Variants in BRWD3 observed in about 807,000 individuals in gnomAD.
BRWD3 encodes the protein bromodomain and WD repeat-containing protein 3.
A neutral mutation model predicts 149.7 loss-of-function variants in BRWD3; 10 were observed. The observed-to-expected ratio is 0.07, with a 90% CI of 0.04 to 0.11. The LOEUF (loss-of-function observed/expected upper bound fraction) is 0.11. Ranked by LOEUF, BRWD3 falls within the 10% of genes least tolerant of loss-of-function variation. The pLI is 1.00. For synonymous variants in BRWD3, 504 were observed against 456.7 expected (o/e 1.10, Z -1.32); for missense variants, 940 against 1,373.2 (o/e 0.68, Z 4.99).
chrX:80,736,961 G>A (rs1271613161), intron 8 of BRWD3, among the ~76,000 whole-genome samples: 1 of 111,913 alleles, frequency 8.9e-6, no homozygotes, highest in African/African-American at 3.2e-5. Flanking sequence ...GATGACTAAG[G>A]ATTAAGATAT....
intron 4 of BRWD3, among the ~76,000 whole-genome samples, chrX:80,799,269 A>G (rs1279186489): frequency 1.8e-5 from 2 of 111,804 alleles, no homozygotes; most frequent in Non-Finnish European, 3.8e-5. Context: ...TGGGCACTGA[A>G]TAAAATGTAA....
intron 24 of BRWD3, among the ~76,000 whole-genome samples, chrX:80,702,180 T>C (rs1271827485): frequency 8.9e-6 from 1 of 112,584 alleles, no homozygotes; most frequent in Admixed American, 9.4e-5. Context: ...TGTTTGCCTT[T>C]ATAATTTCTT....
chrX:80,732,501 G>A (rs761095443), intron 12 of BRWD3, among the ~76,000 whole-genome samples: 5 of 110,837 alleles, frequency 4.5e-5, no homozygotes, highest in African/African-American at 6.6e-5. Context: ...GGCATGAACC[G>A]TAAAAGGAAG....
intron 29 of BRWD3, 42 bp downstream of exon 29, chrX:80,692,047 C>G (rs766169298): frequency 6.7e-6 from 8 of 1,188,137 alleles, no homozygotes; most frequent in Non-Finnish European, 9.1e-6. Context: ...TACCATTTTA[C>G]TTTTAAAAGA....
At chrX:80,688,960 T>C (rs1365733946) in intron 33 of BRWD3, among the ~76,000 whole-genome samples, 1 of 98,541 alleles carries the variant, frequency 1.0e-5, no homozygotes, top group African/African-American at 3.7e-5. Context: ...TGCAATAATA[T>C]ATTTCATAGT....
At chrX:80,768,201 G>C (rs1203620846) in intron 6 of BRWD3, among the ~76,000 whole-genome samples, 8 of 111,250 alleles carry the variant, frequency 7.2e-5, no homozygotes, top group Non-Finnish European at 1.3e-4. Flanking sequence ...CAAGGCAGGA[G>C]AGCATTCAAA....
Position 80,689,655 on chromosome X carries a change from G to A in BRWD3, c.3807+113C>T, listed in dbSNP as rs767817651. 137 of 650,355 alleles carry A rather than the reference G, an allele frequency of 2.1e-4. 1 individual carries two copies. In the South Asian group the frequency reaches 3.3e-3, roughly 16 times the overall value. 53.6% of individuals were successfully genotyped at this position (650,355 alleles called of 1,213,427 possible). A position where few individuals can be genotyped will look rare whatever the true frequency, so the allele number is the denominator to read the frequency against. On this transcript the variant is annotated intron_variant, in intron 33 of 40. Transcript: ENST00000373275. ...TTTAAAAGACGCTGGTATTCAGCCA[G>A]ATTTCAAAAATCTGTTTTGCTGTTC...
chrX:80,793,472 T>C (rs1569290311), intron 5 of BRWD3, 150 bp downstream of exon 5: 1 of 580,834 alleles, frequency 1.7e-6, no homozygotes, highest in Non-Finnish European at 2.7e-6. Context: ...TCTCTAAAAA[T>C]TTACTTGTAC....
chrX:80,801,197 G>A (rs1295289532), intron 4 of BRWD3, among the ~76,000 whole-genome samples: 3 of 105,287 alleles, frequency 2.8e-5, no homozygotes, highest in East Asian at 3.0e-4. Flanking sequence ...CGGATACTAA[G>A]GGGCATGAGA....
intron 6 of BRWD3, among the ~76,000 whole-genome samples, chrX:80,791,310 G>A (rs777361003): frequency 4.5e-5 from 5 of 111,309 alleles, no homozygotes; most frequent in East Asian, 2.8e-4. Flanking sequence ...TTGTGAGGGC[G>A]AACTTTAATA....
intron 20 of BRWD3, 131 bp from the exon 21 acceptor site, chrX:80,709,708 C>T: frequency 1.9e-6 from 1 of 529,410 alleles, no homozygotes; most frequent in Non-Finnish European, 3.0e-6. Flanking sequence ...AAAATAAAGT[C>T]AACATAGAAC....
chrX:80,721,519 C>G (rs2073149581), intron 17 of BRWD3, among the ~76,000 whole-genome samples: 1 of 111,436 alleles, frequency 9.0e-6, no homozygotes, highest in Non-Finnish European at 1.9e-5. Flanking sequence ...ATTCTACTTG[C>G]AAATCAGTAA....
chrX:80,676,345 C>A lies in BRWD3; in HGVS notation c.*264G>T, dbSNP rs5913313. The A allele has an allele frequency of 2.9e-6, 1 of 345,325 alleles. No individual in the cohort carries two copies. Among genetic ancestry groups the A allele is most frequent in the Non-Finnish European group, 5.1e-6 (1 of 195,552 alleles). The allele number at this position is 345,325 out of a possible 1,213,427, so 28.5% of individuals were successfully genotyped here. Reference sequence around the variant, plus strand: ...TGTGTTGTGTTTCGTGTGTGTGTGTCTGTGTGTGTGTATGTGTGTGTATGT... The same window carrying A: ...TGTGTTGTGTTTCGTGTGTGTGTGTATGTGTGTGTGTATGTGTGTGTATGT... On this transcript the variant is annotated 3_prime_UTR_variant, in exon 41 of 41. Transcript: ENST00000373275.
chrX:80,712,517 C>T (rs1389107504), intron 20 of BRWD3, among the ~76,000 whole-genome samples: 3 of 110,125 alleles, frequency 2.7e-5, no homozygotes, highest in Admixed American at 1.9e-4. Context: ...ACCTCCCAGC[C>T]GCCTGCCTTG....
At chrX:80,746,927 T>G (rs1438109623) in intron 6 of BRWD3, 1 of 550,964 alleles carries the variant, frequency 1.8e-6, no homozygotes. Context: ...ATCAGTGACA[T>G]GTTGAATATA....
rs752679874 is a variant in BRWD3, at chrX:80,738,624, A to AG, written c.814-2537dup. Among the ~76,000 whole-genome samples, 4 of 86,569 alleles carry AG rather than the reference A, an allele frequency of 4.6e-5. No homozygotes were observed. The South Asian group carries it at 1.7e-3, about 36-fold the overall frequency. 75.2% of individuals were successfully genotyped at this position (86,569 alleles called of 115,157 possible). On this transcript the variant is annotated intron_variant, in intron 8 of 40. Transcript: ENST00000373275. The stretch of plus-strand genomic sequence containing the variant: ...TACAGAGTTGCTGTGCACACAGTGG[A>AG]GGGGGTGGGGGGGGCAGTGGTTTAC...
At chrX:80,768,293 T>A (rs1166056441) in intron 6 of BRWD3, among the ~76,000 whole-genome samples, 1 of 109,655 alleles carries the variant, frequency 9.1e-6, no homozygotes, top group African/African-American at 3.3e-5. Flanking sequence ...TTCCCCAAGG[T>A]TGAAAGGAAG....
chrX:80,702,486 T>C (rs1229667652), intron 24 of BRWD3, among the ~76,000 whole-genome samples: 2 of 112,341 alleles, frequency 1.8e-5, no homozygotes, highest in Non-Finnish European at 3.8e-5. Context: ...CTACAAGAAA[T>C]AGTGATTTGA....
In BRWD3 at chrX:80,745,701, G is replaced by A. The variant is rs753568761; in HGVS notation, c.459C>T (p.Thr153=). 39 of 1,205,690 alleles carry A rather than the reference G, an allele frequency of 3.2e-5. No homozygotes were observed. The highest frequency in any genetic ancestry group is 6.6e-5 in the Admixed American group (3 of 45,393). The change falls in exon 7 of 41, where the codon ACC becomes ACT. Residue 153 remains threonine, a synonymous_variant. Coordinates refer to ENST00000373275, the MANE Select transcript of BRWD3 (RefSeq NM_153252.5). ...VVNITSARQL[T]GCSRFGHIFP... The stretch of plus-strand genomic sequence containing the variant: ...AAATATGACCAAAGCGACTACAGCC[G>A]GTTAATTGCCTGGCAGAGGTGATAT...
Sources: gnomAD v4.1 joint callset for allele counts (sites outside exome capture counted in the v4.1 genomes callset) on GRCh38, gnomAD v4.1.1 for gene constraint, MANE v1.5 for transcripts, NCBI Gene and HGNC (gene_info 2026-07-23, HGNC 2026-07-21) for gene names.